ADGRL3: variants seen among roughly 807,000 people sequenced by gnomAD.
ADGRL3 encodes calcium-independent alpha-latrotoxin receptor 3.
A neutral mutation model predicts 153.5 loss-of-function variants in ADGRL3; 62 were observed. The ratio of observed to expected loss-of-function variants is 0.40; its 90% CI spans 0.33 to 0.50. ADGRL3 has a LOEUF of 0.50. ADGRL3 is among the 20% of genes least tolerant of loss of function. The pLI is 0.47. For missense variants in ADGRL3, 1,641 were observed against 1,859.4 expected (o/e 0.88, Z 2.16); for synonymous variants, 710 against 672.5 (o/e 1.06, Z -0.86).
intron 5 of ADGRL3, among the ~76,000 whole-genome samples, chr4:61,647,576 G>T (rs1236089492): frequency 6.6e-6 from 1 of 152,026 alleles, no homozygotes; most frequent in Admixed American, 6.6e-5. Context: ...GTGCCATTCA[G>T]ATTTTTAGAG....
chr4:61,779,812 G>A (rs960476774), intron 8 of ADGRL3, among the ~76,000 whole-genome samples: 1 of 151,908 alleles, frequency 6.6e-6, no homozygotes, highest in Non-Finnish European at 1.5e-5. Context: ...AGATGTTTCT[G>A]AATCTCCTAA....
At chr4:61,517,861 T>A (rs1341791279) in intron 4 of ADGRL3, among the ~76,000 whole-genome samples, 1 of 152,228 alleles carries the variant, frequency 6.6e-6, no homozygotes, top group East Asian at 1.9e-4. Context: ...AGTTTTAACA[T>A]GTCTGATCAT....
chr4:61,206,033 G>C (rs1179345740), intron 1 of ADGRL3, among the ~76,000 whole-genome samples: 1 of 152,146 alleles, frequency 6.6e-6, no homozygotes, highest in East Asian at 1.9e-4. Context: ...GAAAATAGCT[G>C]TCCTACTTGA....
intron 1 of ADGRL3, among the ~76,000 whole-genome samples, chr4:61,300,224 G>T (rs1201296662): frequency 6.6e-6 from 1 of 152,122 alleles, no homozygotes; most frequent in Non-Finnish European, 1.5e-5. Flanking sequence ...CAATACAAAT[G>T]TGTCTAAAGG....
chr4:61,305,027 C>A (rs1041081043), intron 1 of ADGRL3, among the ~76,000 whole-genome samples: 1 of 152,124 alleles, frequency 6.6e-6, no homozygotes, highest in African/African-American at 2.4e-5. Context: ...ATATTTATAA[C>A]TAATTAAATT....
chr4:61,988,524 T>C (rs2099093627), intron 19 of ADGRL3, among the ~76,000 whole-genome samples: 1 of 152,198 alleles, frequency 6.6e-6, no homozygotes, highest in South Asian at 2.1e-4. Context: ...GACTTAATAG[T>C]AATTCAATCA....
At chr4:62,031,643 G>A in intron 23 of ADGRL3, 33 bp downstream of exon 23, 1 of 1,492,012 alleles carries the variant, frequency 6.7e-7, no homozygotes, top group Admixed American at 1.8e-5. Context: ...AAATAAAAAT[G>A]GCATACATTT....
At chr4:61,518,091 A>T (rs1024501780) in intron 4 of ADGRL3, among the ~76,000 whole-genome samples, 3 of 152,208 alleles carry the variant, frequency 2.0e-5, no homozygotes, top group Non-Finnish European at 2.9e-5. Flanking sequence ...AGTGGCATCC[A>T]GCCCCAAAAG....
intron 1 of ADGRL3, among the ~76,000 whole-genome samples, chr4:61,292,659 G>A (rs1054327611): frequency 6.6e-6 from 1 of 152,048 alleles, no homozygotes; most frequent in African/African-American, 2.4e-5. Context: ...ATCTGTCTGG[G>A]GTCTTTCTTT....
Position 62,070,302 on chromosome 4 carries a change from C to A in ADGRL3, c.4026C>A (p.Ile1342=), listed in dbSNP as rs1229772603. Residue 1342 remains isoleucine (I), a synonymous_variant, in exon 27 of 27, where the codon ATC becomes ATA. Transcript: ENST00000683033. ...TGAAGGAACTCACTTCCAACTATAT[C>A]CCTTCTTACCTGAACAACCATGAGC... ...KILKELTSNY[I]PSYLNNHERS... is the part of the protein sequence containing the mutation. 3.8e-6 allele frequency: 6 copies of A among 1,563,474 alleles called. No homozygotes were observed. The East Asian group carries it at 1.4e-4, about 37-fold the overall frequency.
intron 5 of ADGRL3, among the ~76,000 whole-genome samples, chr4:61,646,323 G>T (rs1322518692): frequency 6.6e-6 from 1 of 152,232 alleles, no homozygotes. Flanking sequence ...TTTCGTTGCT[G>T]GTGAGGAACT....
Position 61,879,334 on chromosome 4 carries a change from C to T in ADGRL3, c.1481-13322C>T, listed in dbSNP as rs189829072. 2.0e-5 allele frequency among the ~76,000 whole-genome samples: 3 copies of T among 152,248 alleles called. No homozygotes were observed. In the East Asian group the frequency reaches 5.8e-4, roughly 29 times the overall value. Reference sequence around the variant, plus strand: ...ATCCCTTATCTGAAATGCTTGGGACCAGAAATGCTTCAGATTTCAGACCTT... The same window carrying T: ...ATCCCTTATCTGAAATGCTTGGGACTAGAAATGCTTCAGATTTCAGACCTT... On this transcript the variant is annotated intron_variant, in intron 9 of 26. Transcript: ENST00000683033.
At chr4:61,545,905 AAAAAAC>A (rs2098711738) in intron 4 of ADGRL3, among the ~76,000 whole-genome samples, 7 of 151,832 alleles carry the variant, frequency 4.6e-5, no homozygotes, top group Admixed American at 1.3e-4. Flanking sequence ...ACAAACAAAC[AAAAAAC>A]AAAAAAACTT....
At chr4:61,249,110 T>C (rs1270586609) in intron 1 of ADGRL3, among the ~76,000 whole-genome samples, 1 of 152,208 alleles carries the variant, frequency 6.6e-6, no homozygotes, top group Admixed American at 6.5e-5. Flanking sequence ...TTTAAATTCA[T>C]GCATTCAGTC....
intron 5 of ADGRL3, among the ~76,000 whole-genome samples, chr4:61,595,829 G>A (rs752038360): frequency 3.9e-5 from 6 of 152,068 alleles, no homozygotes; most frequent in Non-Finnish European, 7.4e-5. Context: ...CCCAAGTTCC[G>A]GCCCATGGGA....
intron 8 of ADGRL3, among the ~76,000 whole-genome samples, chr4:61,748,554 T>C (rs2096705710): frequency 6.6e-6 from 1 of 152,144 alleles, no homozygotes; most frequent in Admixed American, 6.5e-5. Context: ...GAAATAACGC[T>C]GCATATCTAC....
chr4:61,973,618 C>G (rs1160843361), intron 17 of ADGRL3, among the ~76,000 whole-genome samples: 1 of 151,972 alleles, frequency 6.6e-6, no homozygotes, highest in African/African-American at 2.4e-5. Flanking sequence ...TTCTGTCATT[C>G]TCCTCTGATT....
rs897745600 is a variant in ADGRL3 at position 62,072,465 on chromosome 4, A to T, written c.*1557A>T. On this transcript the variant is annotated 3_prime_UTR_variant, in exon 27 of 27. Transcript: ENST00000683033. ...AAGATATTGTATTGATGTATGTACT[A>T]TATGATTAATCAGTCTTTTTATTTT... 2.0e-5 allele frequency: 3 copies of T among 152,564 alleles called. No individual in the cohort carries two copies. The highest frequency in any genetic ancestry group is 7.2e-5 in the African/African-American group (3 of 41,446). The allele number at this position is 152,564 out of a possible 1,614,324, so 9.5% of individuals were successfully genotyped here.
chr4:61,237,501 C>T (rs1753291977), intron 1 of ADGRL3, among the ~76,000 whole-genome samples: 1 of 152,122 alleles, frequency 6.6e-6, no homozygotes, highest in South Asian at 2.1e-4. Flanking sequence ...TTGTCCCTGA[C>T]AGCTCCATGA....
Sources: allele counts gnomAD v4.1 joint callset (sites outside exome capture counted in the v4.1 genomes callset), GRCh38; gene constraint gnomAD v4.1.1; transcripts MANE v1.5; gene names NCBI Gene and HGNC (gene_info 2026-07-23, HGNC 2026-07-21).